Variants in SLC19A3 observed in about 807,000 individuals in gnomAD.
SLC19A3 encodes thiamine transporter 2.
SLC19A3 carries 31 observed loss-of-function variants against 40.2 expected under a neutral mutation model. That is an observed-to-expected ratio of 0.77 (90% CI 0.58 to 1.04). The LOEUF (loss-of-function observed/expected upper bound fraction) is 1.04. Ranked by LOEUF, SLC19A3 falls within the 50% of genes least tolerant of loss-of-function variation. The probability of loss-of-function intolerance (pLI) is 0.00; values close to 1 mark genes in which losing one functional copy is unlikely to be tolerated. For missense variants in SLC19A3, 592 were observed against 596.7 expected (o/e 0.99, Z 0.08); for synonymous variants, 212 against 227.5 (o/e 0.93, Z 0.61).
intron 1 of SLC19A3, among the ~76,000 whole-genome samples, chr2:227,712,037 G>A: frequency 1.2e-5 from 1 of 85,402 alleles, no homozygotes; most frequent in Middle Eastern, 0.014. Flanking sequence ...GCGACAGAAT[G>A]AAACTCTGTC....
At position 227,684,420 on chromosome 2, in the gene SLC19A3, T is replaced by C. The variant is rs926680267; in HGVS notation, c.*2977A>G. 1.3e-5 allele frequency: 2 copies of C among 152,186 alleles called. No homozygotes were observed. Among genetic ancestry groups the C allele is most frequent in the Non-Finnish European group, 2.9e-5 (2 of 68,088 alleles). 9.4% of individuals were successfully genotyped at this position (152,186 alleles called of 1,614,324 possible). A position where few individuals can be genotyped will look rare whatever the true frequency, so the allele number is the denominator to read the frequency against. ...CTGCCTCCTGGGTTTAAGTGACTCT[T>C]ATGCTTCAGCCACCGAGTGGCTGGG... On this transcript the variant is annotated 3_prime_UTR_variant, in exon 6 of 6. Coordinates refer to ENST00000644224, the MANE Select transcript of SLC19A3 (RefSeq NM_025243.4).
chr2:227,699,610 C>G, intron 2 of SLC19A3, 46 bp from the exon 3 acceptor site: 7 of 1,484,726 alleles, frequency 4.7e-6, no homozygotes, highest in Non-Finnish European at 6.6e-6. Context: ...CGGTACTTTA[C>G]TAAGGTACCT....
chr2:227,707,519 G>T (rs1695990214), intron 1 of SLC19A3, among the ~76,000 whole-genome samples: 1 of 151,938 alleles, frequency 6.6e-6, no homozygotes, highest in Non-Finnish European at 1.5e-5. Flanking sequence ...GAAGGCGGAG[G>T]TTGCAATGAG....
chr2:227,692,534 T>C (rs1374416571), intron 4 of SLC19A3, among the ~76,000 whole-genome samples: 1 of 152,110 alleles, frequency 6.6e-6, no homozygotes, highest in African/African-American at 2.4e-5. Flanking sequence ...AAAAACTGGG[T>C]ATAGAAGGAA....
rs142166552 is a variant in SLC19A3 at position 227,695,949 on chromosome 2, G to A, written c.1112C>T (p.Ala371Val). ...FLMHYTANIW[A>V]CYAGYLIFKS... ...GAATATCAAATAGCCAGCATAGCAC[G>A]CCCAGATATTGGCTGTGTAATGCAT... is the stretch of plus-strand genomic sequence containing the variant. The change falls in exon 4 of 6, where the codon GCG (alanine) becomes GTG (valine). Residue 371 changes from alanine (A) to valine (V), a missense_variant. By Grantham distance (64) the Ala-to-Val change is moderately conservative. Coordinates refer to ENST00000644224, the MANE Select transcript of SLC19A3 (RefSeq NM_025243.4). 571 of 1,614,104 alleles carry A rather than the reference G, an allele frequency of 3.5e-4. No individual in the cohort carries two copies. The highest frequency in any genetic ancestry group is 4.3e-4 in the African/African-American group (32 of 75,030).
Position 227,703,968 on chromosome 2 carries a change from G to A in SLC19A3, c.-2-1648C>T, listed in dbSNP as rs902251451. 1.6e-5 allele frequency among the ~76,000 whole-genome samples: 1 copy of A among 63,040 alleles called. No individual in the cohort carries two copies. Among genetic ancestry groups the A allele is most frequent in the Admixed American group, 2.2e-4 (1 of 4,516 alleles). The allele number at this position is 63,040 out of a possible 152,430, so 41.4% of individuals were successfully genotyped here. On this transcript the variant is annotated intron_variant, in intron 1 of 5. Coordinates refer to ENST00000644224, the MANE Select transcript of SLC19A3 (RefSeq NM_025243.4). The surrounding 1 kb of genome is among the most constrained non-coding windows in gnomAD (Gnocchi z 4.7). ...TACAGCTGTCCAAATCGATTTAGTTGGGATGGTCAAGCAGAAAAAAACCTA... is the reference window on the plus strand; with the variant it reads ...TACAGCTGTCCAAATCGATTTAGTTAGGATGGTCAAGCAGAAAAAAACCTA...
chr2:227,710,671 A>G (rs1335729571), intron 1 of SLC19A3, among the ~76,000 whole-genome samples: 2 of 152,186 alleles, frequency 1.3e-5, no homozygotes, highest in Non-Finnish European at 2.9e-5. Context: ...TAGACTATCT[A>G]TGGACCCCAC....
At chr2:227,693,326 T>C (rs1334454001) in intron 4 of SLC19A3, among the ~76,000 whole-genome samples, 1 of 152,148 alleles carries the variant, frequency 6.6e-6, no homozygotes, top group African/African-American at 2.4e-5. Flanking sequence ...TGACTTTGAA[T>C]TACACTATAG....
rs1695090331 is a variant in SLC19A3 at position 227,688,168 on chromosome 2, G to T, written c.1312C>A (p.Gln438Lys). 6.2e-7 allele frequency: 1 copy of T among 1,614,036 alleles called. No individual in the cohort carries two copies. The highest frequency in any genetic ancestry group is 8.5e-7 in the Non-Finnish European group (1 of 1,179,932). The change falls in exon 5 of 6, where the codon CAG becomes AAG. Residue 438 changes from glutamine to lysine, a missense_variant and splice_region_variant. Transcript: ENST00000644224. ...AAAACAGAAGTATTGCAGCTTACCT[G>T]AATGCTGACTGGCAAGTTGAGCCCT... ...QRGLNLPVSI[Q>K]FLVYGSYFAV...
rs1695782313 is a variant in SLC19A3 at position 227,703,339 on chromosome 2, A to T, written c.-2-1019T>A. ...TATCCAGTGGGTGGGGAGCTTTACT[A>T]GGGGTTGGGGAGGTAGGAAGGACCT... On this transcript the variant is annotated intron_variant, in intron 1 of 5. Coordinates refer to ENST00000644224, the MANE Select transcript of SLC19A3 (RefSeq NM_025243.4). This position sits in a 1 kb window ranked among gnomAD's most constrained non-coding sequence, Gnocchi z 4.7. Among the ~76,000 whole-genome samples the T allele has an allele frequency of 6.6e-6, 1 of 152,050 alleles. No homozygotes were observed. Among genetic ancestry groups the T allele is most frequent in the African/African-American group, 2.4e-5 (1 of 41,400 alleles).
chr2:227,694,238 C>A (rs372906019), intron 4 of SLC19A3, among the ~76,000 whole-genome samples: 1 of 152,128 alleles, frequency 6.6e-6, no homozygotes, highest in South Asian at 2.1e-4. Flanking sequence ...AACTCCTGAC[C>A]TCAGGTGATC....
intron 4 of SLC19A3, among the ~76,000 whole-genome samples, chr2:227,691,625 GA>G (rs1032274467): frequency 4.7e-5 from 7 of 147,650 alleles, no homozygotes; most frequent in African/African-American, 1.2e-4. Context: ...AAGAAAAGAA[GA>G]AAAAAAAAGT....
intron 1 of SLC19A3, 95 bp downstream of exon 1, chr2:227,717,848 C>T (rs1413671654): frequency 2.5e-5 from 24 of 943,702 alleles, no homozygotes; most frequent in Non-Finnish European, 2.9e-5. Flanking sequence ...GAACCCGCCC[C>T]CAGCTCTCCA....
In SLC19A3 at chr2:227,686,269, T is replaced by G; in HGVS notation, c.*1128A>C. 2.9e-6 allele frequency: 1 copy of G among 339,146 alleles called. No homozygotes were observed. Among genetic ancestry groups the G allele is most frequent in the South Asian group, 2.2e-5 (1 of 45,980 alleles). 21.0% of individuals were successfully genotyped at this position (339,146 alleles called of 1,614,324 possible). ...AGTGTTTTCTTATTTCTAATACTTC[T>G]AGAAACCTCCTTTAAGTTTTCCTAT... is the stretch of plus-strand genomic sequence containing the variant. On this transcript the variant is annotated 3_prime_UTR_variant, in exon 6 of 6. Coordinates refer to ENST00000644224, the MANE Select transcript of SLC19A3 (RefSeq NM_025243.4).
chr2:227,691,656 A>C (rs990056600), intron 4 of SLC19A3, among the ~76,000 whole-genome samples: 1 of 152,202 alleles, frequency 6.6e-6, no homozygotes, highest in Non-Finnish European at 1.5e-5. Context: ...TAAATAACTT[A>C]ATGATGCGTC....
intron 4 of SLC19A3, among the ~76,000 whole-genome samples, chr2:227,695,148 CT>C (rs1235755455): frequency 6.6e-6 from 1 of 152,204 alleles, no homozygotes; most frequent in African/African-American, 2.4e-5. Context: ...TAGTATCCAA[CT>C]TTTTAATAAC....
chr2:227,699,003 G>C lies in SLC19A3; in HGVS notation c.712C>G (p.Leu238Val), dbSNP rs762519804. 2 of 1,614,242 alleles carry C rather than the reference G, an allele frequency of 1.2e-6. No individual in the cohort carries two copies. Among genetic ancestry groups the C allele is most frequent in the Non-Finnish European group, 8.5e-7 (1 of 1,180,040 alleles). ...CEEQKPTSEI[L>V]STSGKLNKGQ... Reference sequence around the variant, plus strand: ...TTATTCAGCTTCCCTGAAGTGCTGAGTATTTCTGATGTGGGTTTCTGCTCT... The same window carrying C: ...TTATTCAGCTTCCCTGAAGTGCTGACTATTTCTGATGTGGGTTTCTGCTCT... The change falls in exon 3 of 6, where the codon CTC (leucine) becomes GTC (valine). Residue 238 changes from leucine to valine, a missense_variant. Physicochemically the swap from Leu to Val is conservative, Grantham distance 32. Transcript: ENST00000644224.
In SLC19A3 at chr2:227,699,153, G is replaced by A; in HGVS notation, c.562C>T (p.Leu188Phe). 6.2e-7 allele frequency: 1 copy of A among 1,614,186 alleles called. No homozygotes were observed. The highest frequency in any genetic ancestry group is 1.7e-5 in the Admixed American group (1 of 60,016). ...ASVSVAFLFS[L>F]FLPMPKKSMF... ...CTTTTCTTGGGCATTGGTAGGAAAA[G>A]TGAGAAAAGGAAAGCCACGGAGACA... Residue 188 changes from leucine to phenylalanine, a missense_variant, in exon 3 of 6, where the codon CTT (leucine) becomes TTT (phenylalanine). Physicochemically the swap from Leu to Phe is conservative, Grantham distance 22 (BLOSUM62 0). Transcript: ENST00000644224.
chr2:227,698,707 C>A (rs373905433), intron 3 of SLC19A3, 29 bp downstream of exon 3: 18 of 1,594,706 alleles, frequency 1.1e-5, no homozygotes, highest in Middle Eastern at 2.1e-4. Context: ...GTAAAGCCAA[C>A]AAAGGAAGAT....
Sources: gnomAD v4.1 joint callset for allele counts (sites outside exome capture counted in the v4.1 genomes callset) on GRCh38, gnomAD v4.1.1 for gene constraint, Gnocchi (gnomAD v3.1) non-coding constraint, MANE v1.5 for transcripts, NCBI Gene and HGNC (gene_info 2026-07-23, HGNC 2026-07-21) for gene names.